The following COXFA4L2 variants were observed in gnomAD, a reference collection of about 807,000 sequenced individuals.
COXFA4L2 encodes NADH dehydrogenase (ubiquinone) 1 alpha subcomplex, 4-like 2.
chr12:57,237,271 G>T, the COXFA4L2 span: 1 of 1,446,904 alleles, frequency 6.9e-7, no homozygotes. Flanking sequence ...CCCAAAGCCT[G>T]TAGGGGAATT....
the COXFA4L2 span, chr12:57,236,530 G>C: frequency 7.2e-7 from 1 of 1,392,912 alleles, no homozygotes; most frequent in Non-Finnish European, 9.7e-7. Flanking sequence ...CACTAGGGCC[G>C]CCTATTTCCA....
chr12:57,236,244 A>G, the COXFA4L2 span: 54 of 347,240 alleles, frequency 1.6e-4, no homozygotes, highest in South Asian at 3.1e-4. Context: ...CTGGTCCCCA[A>G]TGCCACCCCC....
the COXFA4L2 span, chr12:57,239,535 C>T: frequency 6.6e-6 from 1 of 152,480 alleles, no homozygotes; most frequent in Non-Finnish European, 1.5e-5. This position sits in a 1 kb window ranked among gnomAD's most constrained non-coding sequence, Gnocchi z 5.5. Context: ...TGCCTGGGGG[C>T]CGGGGAGGCG....
chr12:57,237,049 G>T, the COXFA4L2 span: 3 of 1,614,200 alleles, frequency 1.9e-6, no homozygotes, highest in Admixed American at 3.3e-5. Flanking sequence ...CTTTTGATCT[G>T]CCGGTAGAAG....
the COXFA4L2 span, among the ~76,000 whole-genome samples, chr12:57,238,477 C>T: frequency 6.6e-6 from 1 of 152,174 alleles, no homozygotes; most frequent in Non-Finnish European, 1.5e-5. The surrounding 1 kb of genome is among the most constrained non-coding windows in gnomAD (Gnocchi z 6.8). Flanking sequence ...CGAGAGCCCG[C>T]GCCTCCAGGG....
At chr12:57,237,198 C>T in the COXFA4L2 span, 4 of 1,588,992 alleles carry the variant, frequency 2.5e-6, no homozygotes, top group Non-Finnish European at 2.6e-6. Context: ...TTAGCTTGGC[C>T]CAGCCCGTGC....
At chr12:57,240,571 A>G in the COXFA4L2 span, 27 of 622,298 alleles carry the variant, frequency 4.3e-5, no homozygotes, top group Admixed American at 6.3e-5. Context: ...CGGCGCGCGC[A>G]CACACACACT....
At chr12:57,236,390 G>C in the COXFA4L2 span, 1 of 507,386 alleles carries the variant, frequency 2.0e-6, no homozygotes, top group East Asian at 3.4e-5. Context: ...TTTCAGGGCG[G>C]GCCAAGCTGA....
chr12:57,235,767 G>A, the COXFA4L2 span: 2 of 1,584,736 alleles, frequency 1.3e-6, no homozygotes, highest in Non-Finnish European at 1.7e-6. Context: ...GGTCATTGGG[G>A]CTCAGGCGGT....
At chr12:57,235,336 C>T in the COXFA4L2 span, 1 of 594,000 alleles carries the variant, frequency 1.7e-6, no homozygotes, top group Admixed American at 3.0e-5. Flanking sequence ...CCTGCCTCCT[C>T]CTCCCCCACG....
At chr12:57,240,525 TG>T in the COXFA4L2 span, 2 of 204,610 alleles carry the variant, frequency 9.8e-6, no homozygotes, top group Admixed American at 6.6e-5. Flanking sequence ...GGAATAGAAA[TG>T]GGGAAAGGAA....
the COXFA4L2 span, chr12:57,237,199 C>T: frequency 5.0e-6 from 8 of 1,588,860 alleles, no homozygotes; most frequent in South Asian, 1.1e-5. Flanking sequence ...TAGCTTGGCC[C>T]AGCCCGTGCT....
chr12:57,237,806 T>C, the COXFA4L2 span: 1 of 154,564 alleles, frequency 6.5e-6, no homozygotes, highest in Non-Finnish European at 1.5e-5. Context: ...TCTGCCTACC[T>C]GGGGTAGGGT....
the COXFA4L2 span, among the ~76,000 whole-genome samples, chr12:57,238,530 CCTCCAGT>C: frequency 1.3e-5 from 2 of 152,196 alleles, no homozygotes; most frequent in African/African-American, 2.4e-5. This position sits in a 1 kb window ranked among gnomAD's most constrained non-coding sequence, Gnocchi z 6.8. Flanking sequence ...GCACCCCAGC[CCTCCAGT>C]CTCTGGGACC....
chr12:57,237,153 CT>C, the COXFA4L2 span: 1 of 1,613,738 alleles, frequency 6.2e-7, no homozygotes, highest in African/African-American at 1.3e-5. Flanking sequence ...GGTCCCGCCC[CT>C]GAGTGGGGAG....
chr12:57,236,913 T>C, the COXFA4L2 span: 2 of 1,403,286 alleles, frequency 1.4e-6, no homozygotes, highest in Non-Finnish European at 2.0e-6. Flanking sequence ...GGGGCAACCT[T>C]AGGGGAAGAA....
chr12:57,235,117 A>G, the COXFA4L2 span: 1 of 181,870 alleles, frequency 5.5e-6, no homozygotes, highest in Non-Finnish European at 1.2e-5. Context: ...GCCCTGGACC[A>G]GCCCAAGCTG....
At chr12:57,236,587 C>G in the COXFA4L2 span, 6 of 1,574,748 alleles carry the variant, frequency 3.8e-6, no homozygotes, top group Admixed American at 9.5e-5. Context: ...CAAGCCGTGC[C>G]TTTACCAGAC....
At chr12:57,237,427 A>T in the COXFA4L2 span, 7 of 1,115,724 alleles carry the variant, frequency 6.3e-6, no homozygotes, top group African/African-American at 1.1e-4. Flanking sequence ...GGGAGGAGGC[A>T]TGGCCATGGG....
Sources: gnomAD v4.1 joint callset for allele counts (sites outside exome capture counted in the v4.1 genomes callset) on GRCh38, gnomAD v4.1.1 for gene constraint, Gnocchi (gnomAD v3.1) non-coding constraint, MANE v1.5 for transcripts, NCBI Gene and HGNC (gene_info 2026-07-23, HGNC 2026-07-21) for gene names.